PLPPR1: variants seen among roughly 807,000 people sequenced by gnomAD.
PLPPR1 encodes phospholipid phosphatase related 1.
PLPPR1 carries 10 observed loss-of-function variants against 33.1 expected under a neutral mutation model. That is an observed-to-expected ratio of 0.30 (90% CI 0.19 to 0.51). The LOEUF (loss-of-function observed/expected upper bound fraction) is 0.51. PLPPR1 is among the 20% of genes least tolerant of loss of function. The pLI is 0.97. For synonymous variants in PLPPR1, 151 were observed against 151.0 expected (o/e 1.00, Z 0.00); for missense variants, 304 against 408.1 (o/e 0.74, Z 2.20).
At chr9:101,271,293 A>C (rs1828095585) in intron 3 of PLPPR1, among the ~76,000 whole-genome samples, 1 of 152,180 alleles carries the variant, frequency 6.6e-6, no homozygotes, top group South Asian at 2.1e-4. Context: ...CTGAATGCTT[A>C]CCTCATGCGT....
At chr9:101,260,267 G>T (rs1462672649) in intron 2 of PLPPR1, among the ~76,000 whole-genome samples, 2 of 152,124 alleles carry the variant, frequency 1.3e-5, no homozygotes, top group East Asian at 3.9e-4. Flanking sequence ...AATCACTGAA[G>T]ATTTTGGAGG....
rs543099005 is a variant in PLPPR1, at chr9:101,099,024, T to G, written c.-46+69922T>G. On this transcript the variant is annotated intron_variant, in intron 1 of 7. Transcript: ENST00000374874. ...GCCTAAAGGCACCAATTACTAGTTCTTTGACTCTCGGAAAGTCACTCAATC... is the reference window on the plus strand; with the variant it reads ...GCCTAAAGGCACCAATTACTAGTTCGTTGACTCTCGGAAAGTCACTCAATC... Among the ~76,000 whole-genome samples the G allele has an allele frequency of 1.5e-3, 222 of 152,000 alleles. 2 individuals are homozygous for G. Among genetic ancestry groups the G allele is most frequent in the Non-Finnish European group, 2.5e-3 (170 of 67,982 alleles).
At chr9:101,089,288 T>TATAGATAGATAGATAG (rs60312729) in intron 1 of PLPPR1, among the ~76,000 whole-genome samples, 12 of 150,256 alleles carry the variant, frequency 8.0e-5, no homozygotes, top group South Asian at 6.4e-4. Context: ...AAAGCTAGAA[T>TATAGATAGATAGATAG]ATAGATAGAT....
At chr9:101,167,141 G>GGTGTGT (rs756843224) in intron 1 of PLPPR1, among the ~76,000 whole-genome samples, 890 of 39,738 alleles carry the variant, frequency 0.022, 40 homozygotes, top group African/African-American at 0.029. Context: ...TATGTCTCTC[G>GGTGTGT]GTGTGTGTGT....
intron 4 of PLPPR1, among the ~76,000 whole-genome samples, chr9:101,297,069 G>A (rs866725496): frequency 6.6e-6 from 1 of 152,120 alleles, no homozygotes; most frequent in Non-Finnish European, 1.5e-5. Context: ...AGACTGAAGG[G>A]AAACACACTA....
In PLPPR1 at chr9:101,269,922, G is replaced by A. The variant is rs2118894403; in HGVS notation, c.106G>A (p.Glu36Lys). 6.2e-7 allele frequency: 1 copy of A among 1,614,082 alleles called. No individual in the cohort carries two copies. The highest frequency in any genetic ancestry group is 1.3e-5 in the African/African-American group (1 of 75,020). Reference protein sequence around the residue: ...AGTVLLAYYFECTDTFQVHIQ... With the variant: ...AGTVLLAYYFKCTDTFQVHIQ... ...GACAGTGCTGCTTGCCTACTACTTC[G>A]AATGCACTGACACTTTTCAGGTGCA... The change falls in exon 3 of 8, where the codon GAA (glutamate) becomes AAA (lysine). Residue 36 changes from glutamate (E) to lysine (K), a missense_variant. By Grantham distance (56) the Glu-to-Lys change is moderately conservative. Coordinates refer to ENST00000374874, the MANE Select transcript of PLPPR1 (RefSeq NM_207299.2).
intron 2 of PLPPR1, among the ~76,000 whole-genome samples, chr9:101,267,096 C>A (rs921943183): frequency 6.6e-6 from 1 of 152,080 alleles, no homozygotes; most frequent in Non-Finnish European, 1.5e-5. Context: ...CCAGATCAGC[C>A]CTTTGCAGGG....
intron 1 of PLPPR1, among the ~76,000 whole-genome samples, chr9:101,101,598 T>C (rs75361741): frequency 0.018 from 2,683 of 151,760 alleles, 48 homozygotes; most frequent in African/African-American, 0.045. Flanking sequence ...AAACACTTTA[T>C]GGAATATATG....
chr9:101,266,055 GT>G (rs1258977662), intron 2 of PLPPR1, among the ~76,000 whole-genome samples: 1 of 151,974 alleles, frequency 6.6e-6, no homozygotes, highest in Non-Finnish European at 1.5e-5. Context: ...CAAAATCTGA[GT>G]TGTTCTATTT....
chr9:101,139,680 C>T (rs28560069), intron 1 of PLPPR1, among the ~76,000 whole-genome samples: 530 of 152,170 alleles, frequency 3.5e-3, no homozygotes, highest in African/African-American at 8.8e-3. Context: ...ATTTTACTTC[C>T]AGGTAAGCAT....
At chr9:101,077,666 G>A (rs906464602) in intron 1 of PLPPR1, among the ~76,000 whole-genome samples, 5 of 152,084 alleles carry the variant, frequency 3.3e-5, no homozygotes, top group African/African-American at 1.2e-4. Context: ...TCACCACAGA[G>A]GCCTTAGACA....
At chr9:101,113,598 G>GA (rs1831083585) in intron 1 of PLPPR1, among the ~76,000 whole-genome samples, 1 of 150,544 alleles carries the variant, frequency 6.6e-6, no homozygotes, top group South Asian at 2.1e-4. Flanking sequence ...ATGCTTGGGG[G>GA]AAAATGTAAG....
intron 7 of PLPPR1, among the ~76,000 whole-genome samples, chr9:101,322,070 C>T (rs1036174505): frequency 6.7e-6 from 1 of 149,750 alleles, no homozygotes; most frequent in Admixed American, 6.7e-5. Context: ...TGGTGGCAGG[C>T]GCCTGTAATC....
intron 1 of PLPPR1, among the ~76,000 whole-genome samples, chr9:101,069,122 C>A (rs1163187415): frequency 5.8e-5 from 7 of 121,200 alleles, no homozygotes; most frequent in Admixed American, 1.7e-4. Flanking sequence ...AGAAAACAAA[C>A]CAGCATATTT....
intron 2 of PLPPR1, among the ~76,000 whole-genome samples, chr9:101,246,952 G>A (rs1340879065): frequency 6.6e-6 from 1 of 151,938 alleles, no homozygotes; most frequent in African/African-American, 2.4e-5. Context: ...TGGCAGAGGT[G>A]CAAGAGCAGT....
chr9:101,187,904 A>G (rs1371098725), intron 2 of PLPPR1: 3 of 152,010 alleles, frequency 2.0e-5, no homozygotes, highest in Non-Finnish European at 2.9e-5. Context: ...AGAAGTCATT[A>G]TATGTATGAA....
chr9:101,141,403 G>A (rs73495990), intron 1 of PLPPR1, among the ~76,000 whole-genome samples: 101 of 152,202 alleles, frequency 6.6e-4, no homozygotes, highest in African/African-American at 2.3e-3. Context: ...TTCTGGGCAC[G>A]ATCTATGAAG....
At chr9:101,109,633 T>C (rs542371389) in intron 1 of PLPPR1, among the ~76,000 whole-genome samples, 1 of 152,324 alleles carries the variant, frequency 6.6e-6, no homozygotes, top group African/African-American at 2.4e-5. Context: ...GTATACATAG[T>C]AGGTTCATGC....
chr9:101,124,345 T>G (rs10819904), intron 1 of PLPPR1, among the ~76,000 whole-genome samples: 112,941 of 152,026 alleles, frequency 0.74, 42,298 homozygotes, highest in African/African-American at 0.79. Context: ...AACTGTTCAG[T>G]TCTCTTGTAT....
Sources: allele counts gnomAD v4.1 joint callset (sites outside exome capture counted in the v4.1 genomes callset), GRCh38; gene constraint gnomAD v4.1.1; transcripts MANE v1.5; gene names NCBI Gene and HGNC (gene_info 2026-07-23, HGNC 2026-07-21).